Variants in NBN observed in about 807,000 individuals in gnomAD.
NBN encodes nibrin, also known as Nijmegen breakage syndrome 1 (nibrin).
NBN carries 88 observed loss-of-function variants against 90.8 expected under a neutral mutation model. The observed-to-expected ratio is 0.97, with a 90% confidence interval of 0.82 to 1.16. NBN has a LOEUF of 1.16. NBN is among the 50% of genes most tolerant of loss of function. The pLI, the probability that NBN is intolerant of heterozygous loss-of-function variation, is 0.00. For missense variants in NBN, 894 were observed against 869.6 expected (o/e 1.03, Z -0.35); for synonymous variants, 328 against 295.1 (o/e 1.11, Z -1.14).
At chr8:89,943,036 A>C (rs1010798467) in intron 14 of NBN, among the ~76,000 whole-genome samples, 10 of 125,390 alleles carry the variant, frequency 8.0e-5, no homozygotes, top group East Asian at 4.8e-4. Context: ...CTTAGGTCTC[A>C]CCTTTTTTTT....
intron 14 of NBN, among the ~76,000 whole-genome samples, chr8:89,940,692 A>ATTCTTTATT (rs1809900514): frequency 6.6e-6 from 1 of 152,170 alleles, no homozygotes; most frequent in Non-Finnish European, 1.5e-5. Context: ...ATCTGCAGGA[A>ATTCTTTATT]ATAATAATCC....
In NBN at chr8:89,944,671, G is replaced by A. The variant is rs1396363406; in HGVS notation, c.2071-1305C>T. Among the ~76,000 whole-genome samples the A allele has an allele frequency of 8.5e-5, 13 of 152,246 alleles. No homozygotes were observed. In the East Asian group the frequency reaches 2.1e-3, roughly 25 times the overall value. Reference sequence around the variant, plus strand: ...TGGCTCACTGCAACCTCCGCCTCCTGGGCTCAAATGATCCTTCAACTTCAG... The same window carrying A: ...TGGCTCACTGCAACCTCCGCCTCCTAGGCTCAAATGATCCTTCAACTTCAG... On this transcript the variant is annotated intron_variant, in intron 13 of 15. Transcript: ENST00000265433.
intron 5 of NBN, among the ~76,000 whole-genome samples, chr8:89,976,266 G>T (rs1302742585): frequency 6.6e-6 from 1 of 152,188 alleles, no homozygotes; most frequent in East Asian, 1.9e-4. Flanking sequence ...GAGCCACCAG[G>T]GCTGGCCTGC....
chr8:89,953,001 C>A (rs375227686), intron 11 of NBN, among the ~76,000 whole-genome samples: 2 of 152,068 alleles, frequency 1.3e-5, no homozygotes, highest in African/African-American at 4.8e-5. Flanking sequence ...AATAGTACAG[C>A]CTAATTTGGA....
chr8:89,943,163 A>T, intron 14 of NBN, 90 bp downstream of exon 14: 3 of 1,346,954 alleles, frequency 2.2e-6, no homozygotes, highest in South Asian at 1.2e-5. Context: ...CACTTATTTT[A>T]ATTTGGTTTT....
At chr8:89,952,414 G>C (rs1810484833) in intron 11 of NBN, among the ~76,000 whole-genome samples, 1 of 152,122 alleles carries the variant, frequency 6.6e-6, no homozygotes, top group African/African-American at 2.4e-5. Context: ...ACAAATAATG[G>C]GGATTCCCTT....
chr8:89,976,391 C>A (rs751646565), intron 5 of NBN, among the ~76,000 whole-genome samples: 42 of 152,154 alleles, frequency 2.8e-4, no homozygotes, highest in Non-Finnish European at 5.7e-4. Context: ...CTGAAAGCAG[C>A]CAGATTCTTT....
intron 14 of NBN, among the ~76,000 whole-genome samples, chr8:89,942,067 G>A (rs185090478): frequency 3.3e-5 from 5 of 152,120 alleles, no homozygotes; most frequent in East Asian, 1.9e-4. Context: ...ATGTCTATAC[G>A]GGGTATGAGT....
chr8:89,938,632 G>A (rs566251671), intron 14 of NBN, among the ~76,000 whole-genome samples: 57 of 152,138 alleles, frequency 3.7e-4, no homozygotes, highest in Non-Finnish European at 6.6e-4. Context: ...ATTTGACCAG[G>A]TCTACCTTAT....
chr8:89,964,263 G>T, intron 8 of NBN, 147 bp downstream of exon 8: 1 of 871,728 alleles, frequency 1.1e-6, no homozygotes. Flanking sequence ...AAATATTTAT[G>T]GAATGAATAA....
At chr8:89,954,873 T>C (rs550860913) in intron 10 of NBN, among the ~76,000 whole-genome samples, 7 of 152,024 alleles carry the variant, frequency 4.6e-5, no homozygotes, top group South Asian at 2.1e-4. Flanking sequence ...AAAGGTGAGA[T>C]TGAACTTTTG....
Position 89,955,448 on chromosome 8 carries a change from G to C in NBN, c.1232C>G (p.Ser411Cys), listed in dbSNP as rs551032019. ...ATTTGATACCATACTATTATTATTA[G>C]AGCTTGTTTTGCAGGACTCCTTTAC... is the stretch of plus-strand genomic sequence containing the variant. ...PTVKESCKTSSNNNSMVSNTL... is the reference protein window; with the variant it reads ...PTVKESCKTSCNNNSMVSNTL... Residue 411 changes from serine (S) to cysteine (C), a missense_variant, in exon 10 of 16, where the codon TCT (serine) becomes TGT (cysteine). Physicochemically the swap from Ser to Cys is moderately radical, Grantham distance 112 (BLOSUM62 -1). Transcript: ENST00000265433. 6.2e-5 allele frequency: 100 copies of C among 1,613,782 alleles called. No individual in the cohort carries two copies. In the South Asian group the frequency reaches 1.1e-3, roughly 17 times the overall value.
intron 5 of NBN, among the ~76,000 whole-genome samples, chr8:89,975,450 G>A (rs1811708765): frequency 6.6e-6 from 1 of 152,086 alleles, no homozygotes; most frequent in Non-Finnish European, 1.5e-5. Flanking sequence ...AGACAAATAA[G>A]CCTTCAACAA....
chr8:89,953,448 T>C lies in NBN; in HGVS notation c.1641A>G (p.Ser547=). Residue 547 remains serine, a synonymous_variant, in exon 11 of 16, where the codon TCA becomes TCG. Coordinates refer to ENST00000265433, the MANE Select transcript of NBN (RefSeq NM_002485.5). ...CATCATCCATTTCCCTTTTTTTATT[T>C]GATCTTAGCTTTTCTGCAGCATGAG... ...SKSHAAEKLR[S]NKKREMDDVA... 2 of 1,613,868 alleles carry C rather than the reference T, an allele frequency of 1.2e-6. No individual in the cohort carries two copies. The highest frequency in any genetic ancestry group is 1.7e-4 in the Middle Eastern group (1 of 6,056).
intron 5 of NBN, among the ~76,000 whole-genome samples, chr8:89,972,587 A>T (rs1405728687): frequency 6.6e-6 from 1 of 152,264 alleles, no homozygotes; most frequent in African/African-American, 2.4e-5. Flanking sequence ...AGACATTCGG[A>T]CACATAAAAA....
chr8:89,965,111 C>T (rs1416821456), intron 7 of NBN, among the ~76,000 whole-genome samples: 3 of 149,946 alleles, frequency 2.0e-5, no homozygotes, highest in African/African-American at 7.4e-5. Context: ...GAGACTCCGT[C>T]TCAAAAAAAA....
chr8:89,941,137 G>A (rs1212603898), intron 14 of NBN, among the ~76,000 whole-genome samples: 1 of 152,066 alleles, frequency 6.6e-6, no homozygotes, highest in African/African-American at 2.4e-5. Context: ...CTTATAGAGA[G>A]CCCAGCAAAT....
At chr8:89,952,631 T>C (rs1019611740) in intron 11 of NBN, among the ~76,000 whole-genome samples, 1 of 152,176 alleles carries the variant, frequency 6.6e-6, no homozygotes, top group African/African-American at 2.4e-5. Context: ...ACCACAGCCA[T>C]GAATGAGTGG....
chr8:89,973,553 AAC>A lies in NBN; in HGVS notation c.585-2265_585-2264del, dbSNP rs1047544623. ...ACACATTCATACATAGATAATTGAT[AAC>A]ACAGTGATCAAAAAACACTATGTTC... On this transcript the variant is annotated intron_variant, in intron 5 of 15. Coordinates refer to ENST00000265433, the MANE Select transcript of NBN (RefSeq NM_002485.5). Among the ~76,000 whole-genome samples, 8 of 152,352 alleles carry A rather than the reference AAC, an allele frequency of 5.3e-5. No individual in the cohort carries two copies. In the East Asian group the frequency reaches 1.5e-3, roughly 29 times the overall value.
Sources: allele counts gnomAD v4.1 joint callset (sites outside exome capture counted in the v4.1 genomes callset), GRCh38; gene constraint gnomAD v4.1.1; transcripts MANE v1.5; gene names NCBI Gene and HGNC (gene_info 2026-07-23, HGNC 2026-07-21).